TAFA2: variants seen among roughly 807,000 people sequenced by gnomAD.
The protein encoded by TAFA2 is TAFA chemokine like family member 2, also known as chemokine-like protein TAFA-2.
In TAFA2, 7 loss-of-function variants were observed where a neutral mutation model predicts 18.8. The ratio of observed to expected loss-of-function variants is 0.37; its 90% CI spans 0.21 to 0.70. The LOEUF is 0.70. Among genes scored for constraint, TAFA2 ranks in the 30% least tolerant of loss-of-function variants. The pLI is 0.53. For synonymous variants in TAFA2, 60 were observed against 54.2 expected, an observed-to-expected ratio of 1.11 and a Z score of -0.47; for missense variants, 122 against 158.1, an observed-to-expected ratio of 0.77 and a Z score of 1.23.
intron 1 of TAFA2, among the ~76,000 whole-genome samples, chr12:62,188,622 C>A (rs1238309623): frequency 6.6e-6 from 1 of 152,052 alleles, no homozygotes; most frequent in Non-Finnish European, 1.5e-5. Context: ...CCATAACTTG[C>A]AATTAGTGAT....
In TAFA2 at chr12:62,003,937, C is replaced by T. The variant is rs561922948; in HGVS notation, c.-1-136511G>A. On this transcript the variant is annotated intron_variant, in intron 1 of 4. Transcript: ENST00000416284. ...AGAAGTGCATGCAAAAAAAGGAGAA[C>T]GTTTCTAATTGACTCATATGTTACC... is the stretch of plus-strand genomic sequence containing the variant. 3.9e-4 allele frequency among the ~76,000 whole-genome samples: 60 copies of T among 152,184 alleles called. 1 individual carries two copies. The highest frequency in any genetic ancestry group is 3.9e-4 in the East Asian group (2 of 5,182).
intron 1 of TAFA2, among the ~76,000 whole-genome samples, chr12:61,922,905 G>A (rs112172717): frequency 0.013 from 1,959 of 152,292 alleles, 52 homozygotes; most frequent in African/African-American, 0.045. Context: ...CTCGAGCTTG[G>A]TGGGGAGAGG....
At chr12:62,035,195 G>A (rs1881565770) in intron 1 of TAFA2, among the ~76,000 whole-genome samples, 1 of 152,162 alleles carries the variant, frequency 6.6e-6, no homozygotes, top group African/African-American at 2.4e-5. Flanking sequence ...CTTGATGACT[G>A]ATTCATTGAA....
intron 1 of TAFA2, among the ~76,000 whole-genome samples, chr12:62,257,336 C>T (rs559229637): frequency 1.3e-5 from 2 of 152,060 alleles, no homozygotes; most frequent in South Asian, 2.1e-4. Context: ...AACTGTATTA[C>T]AAAATGCAGT....
intron 1 of TAFA2, among the ~76,000 whole-genome samples, chr12:61,941,247 A>T (rs1257448299): frequency 1.3e-5 from 2 of 152,214 alleles, no homozygotes. Flanking sequence ...ACTACATGGT[A>T]AAAAAGTATT....
intron 1 of TAFA2, among the ~76,000 whole-genome samples, chr12:61,922,452 G>A (rs538831113): frequency 4.6e-5 from 7 of 152,294 alleles, no homozygotes; most frequent in Admixed American, 1.3e-4. Flanking sequence ...TATGGAGGGC[G>A]AGCAGGAGCA....
chr12:62,071,534 G>A (rs577642299), intron 1 of TAFA2, among the ~76,000 whole-genome samples: 113 of 152,194 alleles, frequency 7.4e-4, no homozygotes, highest in Admixed American at 1.4e-3. Flanking sequence ...TTGAGGCCAG[G>A]AGCTGGACAC....
chr12:62,231,923 G>A (rs1453855842), intron 1 of TAFA2, among the ~76,000 whole-genome samples: 2 of 151,924 alleles, frequency 1.3e-5, no homozygotes, highest in Admixed American at 6.6e-5. Flanking sequence ...GGTCTTGCTG[G>A]TCTCAAACTC....
At chr12:62,174,315 A>C (rs1458391841) in intron 1 of TAFA2, among the ~76,000 whole-genome samples, 1 of 148,462 alleles carries the variant, frequency 6.7e-6, no homozygotes, top group Admixed American at 6.7e-5. Context: ...ACCCAGACTC[A>C]AAAAAAAAAG....
intron 1 of TAFA2, among the ~76,000 whole-genome samples, chr12:62,135,480 AG>A (rs1441077981): frequency 1.3e-5 from 2 of 152,240 alleles, no homozygotes; most frequent in East Asian, 3.9e-4. Flanking sequence ...CTTCATCACA[AG>A]GTTATAGGGC....
intron 1 of TAFA2, among the ~76,000 whole-genome samples, chr12:62,208,245 A>C (rs1453031439): frequency 6.6e-6 from 1 of 152,188 alleles, no homozygotes; most frequent in Non-Finnish European, 1.5e-5. Flanking sequence ...TCAAGGAGCA[A>C]TTCTATCATT....
At chr12:61,978,254 A>T (rs115767044) in intron 1 of TAFA2, among the ~76,000 whole-genome samples, 3,638 of 152,190 alleles carry the variant, frequency 0.024, 161 homozygotes, top group African/African-American at 0.083. Flanking sequence ...CTTACTTTAA[A>T]TGCAGAATTT....
chr12:62,047,620 AT>A (rs993258111), intron 1 of TAFA2, among the ~76,000 whole-genome samples: 9 of 152,148 alleles, frequency 5.9e-5, no homozygotes, highest in Non-Finnish European at 1.0e-4. Context: ...GTTAGTTTGC[AT>A]TTTTTTAAAT....
intron 2 of TAFA2, among the ~76,000 whole-genome samples, chr12:61,769,079 C>G (rs1157503835): frequency 6.6e-6 from 1 of 151,946 alleles, no homozygotes; most frequent in Admixed American, 6.6e-5. Context: ...CTTTCCCCCA[C>G]TTCCCCACTT....
intron 1 of TAFA2, among the ~76,000 whole-genome samples, chr12:61,982,675 G>T (rs1232765769): frequency 2.6e-5 from 4 of 151,860 alleles, no homozygotes; most frequent in Admixed American, 2.0e-4. Flanking sequence ...TAGTTCTCAA[G>T]TACCTCTCCC....
At chr12:62,225,804 C>T (rs932328429) in intron 1 of TAFA2, among the ~76,000 whole-genome samples, 1 of 152,142 alleles carries the variant, frequency 6.6e-6, no homozygotes, top group African/African-American at 2.4e-5. Flanking sequence ...TGACAAGGAT[C>T]AGAAAGTTTA....
chr12:62,147,531 C>T (rs1280822764), intron 1 of TAFA2, among the ~76,000 whole-genome samples: 1 of 149,938 alleles, frequency 6.7e-6, no homozygotes, highest in Non-Finnish European at 1.5e-5. Flanking sequence ...AGATCAAGAC[C>T]ATCCTGGCTA....
chr12:61,896,000 A>G (rs1283599274), intron 1 of TAFA2, among the ~76,000 whole-genome samples: 2 of 152,062 alleles, frequency 1.3e-5, no homozygotes, highest in African/African-American at 2.4e-5. Flanking sequence ...AAATCCATCA[A>G]GCAATTAGTG....
At position 62,123,346 on chromosome 12, in the gene TAFA2, T is replaced by C. The variant is rs78648123; in HGVS notation, c.-2+67913A>G. On this transcript the variant is annotated intron_variant, in intron 1 of 4. Transcript: ENST00000416284. ...AATCTCCAAGAGTTGCTATCTCAGA[T>C]GTAGGTGCACACACAATGTGTGGGC... Among the ~76,000 whole-genome samples the C allele has an allele frequency of 5.5e-3, 844 of 152,120 alleles. 11 individuals are homozygous for C. Among genetic ancestry groups the C allele is most frequent in the African/African-American group, 0.019 (778 of 41,486 alleles).
Sources: gnomAD v4.1 joint callset for allele counts (sites outside exome capture counted in the v4.1 genomes callset) on GRCh38, gnomAD v4.1.1 for gene constraint, MANE v1.5 for transcripts, NCBI Gene and HGNC (gene_info 2026-07-23, HGNC 2026-07-21) for gene names.